ERC2: variants seen among roughly 807,000 people sequenced by gnomAD.
The protein encoded by ERC2 is ERC protein 2.
Under a neutral mutation model 114.8 loss-of-function variants are expected in ERC2, and 42 were observed. That is an observed-to-expected ratio of 0.37 (90% CI 0.29 to 0.47). The LOEUF (loss-of-function observed/expected upper bound fraction) is 0.47, where lower values mean the gene tolerates loss of function less well. Among genes scored for constraint, ERC2 ranks in the 20% least tolerant of loss-of-function variants. ERC2 has a pLI of 0.99. For synonymous variants in ERC2, 454 were observed against 425.5 expected (o/e 1.07, Z -0.82); for missense variants, 939 against 1,150.7 (o/e 0.82, Z 2.66).
At chr3:55,866,319 TTTAGTTATAA>T (rs1026713846) in intron 14 of ERC2, among the ~76,000 whole-genome samples, 1 of 152,224 alleles carries the variant, frequency 6.6e-6, no homozygotes, top group Non-Finnish European at 1.5e-5. Flanking sequence ...GTTTTTATTG[TTTAGTTATAA>T]GAGTTCTTAT....
intron 10 of ERC2, among the ~76,000 whole-genome samples, chr3:56,006,601 A>G (rs2072512281): frequency 1.3e-5 from 2 of 152,112 alleles, no homozygotes; most frequent in African/African-American, 4.8e-5. Flanking sequence ...AAAACATGTT[A>G]ATGCCGCCAT....
chr3:56,424,758 G>C (rs2061503388), intron 2 of ERC2, among the ~76,000 whole-genome samples: 2 of 152,178 alleles, frequency 1.3e-5, no homozygotes, highest in African/African-American at 4.8e-5. Context: ...ACAGTTCTCT[G>C]AAGAGCTAAG....
intron 12 of ERC2, chr3:55,955,248 T>TGTG (rs2067867067): frequency 2.2e-5 from 8 of 360,800 alleles, no homozygotes; most frequent in Middle Eastern, 3.8e-4. Context: ...GGTGGTGTGT[T>TGTG]TGTGTGTGTG....
At chr3:56,417,376 CT>C (rs892257617) in intron 2 of ERC2, among the ~76,000 whole-genome samples, 4 of 151,398 alleles carry the variant, frequency 2.6e-5, no homozygotes, top group Middle Eastern at 6.8e-3. Context: ...TGAGTCTTTC[CT>C]TTTTTTTTAT....
chr3:56,007,181 C>T lies in ERC2; in HGVS notation c.2061G>A (p.Lys687=). ...ATTCTTTTTCTTAGACTTCACTTAC[C>T]TTTTTTAACTGTGCTTCCAATTTGC... The part of the protein sequence containing the change: ...ECSKLEAQLK[K]AHNIEDDSRM... The change falls in exon 10 of 18, where the codon AAG becomes AAA. Residue 687 remains lysine (K), a splice_region_variant and synonymous_variant. Transcript: ENST00000288221. 2 of 1,555,020 alleles carry T rather than the reference C, an allele frequency of 1.3e-6. No individual in the cohort carries two copies. The highest frequency in any genetic ancestry group is 2.3e-5 in the East Asian group (1 of 42,684).
chr3:55,886,321 A>C (rs1303254207), intron 14 of ERC2, among the ~76,000 whole-genome samples: 1 of 151,934 alleles, frequency 6.6e-6, no homozygotes, highest in African/African-American at 2.4e-5. Flanking sequence ...CAAACTTATA[A>C]GTTGAATTTC....
At chr3:56,463,706 C>A (rs1445311697) in intron 1 of ERC2, among the ~76,000 whole-genome samples, 1 of 152,174 alleles carries the variant, frequency 6.6e-6, no homozygotes, top group Non-Finnish European at 1.5e-5. Flanking sequence ...TACTCTCTGG[C>A]CAAGTGGAAT....
chr3:55,922,226 T>C (rs1381383952), intron 13 of ERC2, among the ~76,000 whole-genome samples: 1 of 152,094 alleles, frequency 6.6e-6, no homozygotes, highest in African/African-American at 2.4e-5. Context: ...GCTCCCAGAG[T>C]GACGTTTCTA....
chr3:55,623,105 C>T (rs574084306), intron 17 of ERC2, among the ~76,000 whole-genome samples: 4 of 152,272 alleles, frequency 2.6e-5, no homozygotes, highest in Admixed American at 2.6e-4. Flanking sequence ...TGTTTCTGAC[C>T]TGAGGATGGT....
chr3:55,926,427 A>AAAG, intron 13 of ERC2, among the ~76,000 whole-genome samples: 1 of 151,666 alleles, frequency 6.6e-6, no homozygotes, highest in Non-Finnish European at 1.5e-5. Context: ...AAAAAAAAAA[A>AAAG]ACTAAAAGAT....
chr3:56,416,788 G>A (rs1429286351), intron 2 of ERC2, among the ~76,000 whole-genome samples: 1 of 152,010 alleles, frequency 6.6e-6, no homozygotes, highest in African/African-American at 2.4e-5. Flanking sequence ...ATACAGGCAG[G>A]AAGTTTTTTT....
intron 4 of ERC2, among the ~76,000 whole-genome samples, chr3:56,165,130 C>T (rs2082255743): frequency 6.6e-6 from 1 of 151,826 alleles, no homozygotes; most frequent in Non-Finnish European, 1.5e-5. Flanking sequence ...CTTCAGAAAC[C>T]TCCTTCCTGG....
At chr3:55,784,834 A>C (rs977978648) in intron 14 of ERC2, among the ~76,000 whole-genome samples, 2 of 152,170 alleles carry the variant, frequency 1.3e-5, no homozygotes, top group African/African-American at 4.8e-5. Flanking sequence ...TGCTGGATGG[A>C]AGTTGCTGCC....
intron 1 of ERC2, among the ~76,000 whole-genome samples, chr3:56,439,036 T>A (rs1434291348): frequency 6.6e-6 from 1 of 152,264 alleles, no homozygotes; most frequent in African/African-American, 2.4e-5. Flanking sequence ...ATAACAGATG[T>A]ATGCTAGTAT....
intron 8 of ERC2, among the ~76,000 whole-genome samples, chr3:56,015,240 G>T (rs999029858): frequency 6.6e-6 from 1 of 152,122 alleles, no homozygotes; most frequent in African/African-American, 2.4e-5. Flanking sequence ...GGATACATGT[G>T]CACGATGTGT....
At chr3:56,012,542 C>T (rs886527448) in intron 8 of ERC2, among the ~76,000 whole-genome samples, 1 of 152,134 alleles carries the variant, frequency 6.6e-6, no homozygotes, top group Non-Finnish European at 1.5e-5. Flanking sequence ...GGAAGGAGAA[C>T]TCAATTAGGG....
In ERC2 at chr3:55,961,953, G is replaced by A. The variant is rs541299773; in HGVS notation, c.2268-11393C>T. ...TCCAAGTCTTATCTTATCCTCCACC[G>A]CCAAGCCACACTGGCCTTCCATTTG... On this transcript the variant is annotated intron_variant, in intron 12 of 17. Transcript: ENST00000288221. Among the ~76,000 whole-genome samples the A allele has an allele frequency of 7.3e-5, 11 of 150,126 alleles. No homozygotes were observed. In the East Asian group the frequency reaches 1.4e-3, roughly 19 times the overall value.
At chr3:55,825,115 G>A (rs1357807231) in intron 14 of ERC2, among the ~76,000 whole-genome samples, 2 of 152,072 alleles carry the variant, frequency 1.3e-5, no homozygotes, top group East Asian at 1.9e-4. Context: ...GTTCACCCAG[G>A]GAGTACCACA....
chr3:56,440,493 A>C (rs55946487), intron 1 of ERC2, among the ~76,000 whole-genome samples: 3,984 of 150,698 alleles, frequency 0.026, 177 homozygotes, highest in African/African-American at 0.092. Flanking sequence ...GCTTGCAGTG[A>C]GCCAAGATCA....
Sources: allele counts gnomAD v4.1 joint callset (sites outside exome capture counted in the v4.1 genomes callset), GRCh38; gene constraint gnomAD v4.1.1; transcripts MANE v1.5; gene names NCBI Gene and HGNC (gene_info 2026-07-23, HGNC 2026-07-21).